CNTNAP2: variants seen among roughly 807,000 people sequenced by gnomAD.
CNTNAP2 encodes contactin associated protein 2, also known as contactin-associated protein-like 2.
In CNTNAP2, 98 loss-of-function variants were observed where a neutral mutation model predicts 155.2. The observed-to-expected ratio is 0.63, with a 90% CI of 0.54 to 0.75. CNTNAP2 has a LOEUF of 0.75. CNTNAP2 is among the 30% of genes least tolerant of loss of function. The pLI, the probability that CNTNAP2 is intolerant of heterozygous loss-of-function variation, is 0.00. For missense variants in CNTNAP2, 1,727 were observed against 1,688.1 expected, an observed-to-expected ratio of 1.02 and a Z score of -0.40; for synonymous variants, 651 against 631.2, an observed-to-expected ratio of 1.03 and a Z score of -0.47.
intron 1 of CNTNAP2, among the ~76,000 whole-genome samples, chr7:146,316,198 T>G (rs1051560003): frequency 6.6e-6 from 1 of 152,192 alleles, no homozygotes; most frequent in Non-Finnish European, 1.5e-5. Flanking sequence ...CAGCTTTTTT[T>G]TTGTTCCTAT....
intron 10 of CNTNAP2, among the ~76,000 whole-genome samples, chr7:147,433,161 C>T (rs886535329): frequency 4.2e-4 from 64 of 152,158 alleles, no homozygotes; most frequent in African/African-American, 1.4e-3. Context: ...TCCCCTGTGT[C>T]GTGACGCCTC....
intron 3 of CNTNAP2, among the ~76,000 whole-genome samples, chr7:147,014,699 G>A (rs893090807): frequency 6.6e-6 from 1 of 152,066 alleles, no homozygotes; most frequent in Non-Finnish European, 1.5e-5. Flanking sequence ...GCAACATTAA[G>A]CTCCCCTGCC....
At chr7:146,667,487 G>A (rs1281056188) in intron 1 of CNTNAP2, among the ~76,000 whole-genome samples, 1 of 147,328 alleles carries the variant, frequency 6.8e-6, no homozygotes, top group Non-Finnish European at 1.5e-5. Flanking sequence ...CAAATTTTAG[G>A]ATTTTTTTTC....
chr7:148,144,438 C>T (rs1184984404), intron 16 of CNTNAP2, among the ~76,000 whole-genome samples: 1 of 152,202 alleles, frequency 6.6e-6, no homozygotes, highest in African/African-American at 2.4e-5. Flanking sequence ...GCAATGTGAA[C>T]GGGAAGCTCA....
At chr7:146,598,431 G>A (rs1051539764) in intron 1 of CNTNAP2, among the ~76,000 whole-genome samples, 8 of 152,108 alleles carry the variant, frequency 5.3e-5, no homozygotes, top group African/African-American at 1.9e-4. Context: ...CTCACTGTCT[G>A]TACTGTTTCC....
chr7:147,870,041 G>T (rs1799301741), intron 13 of CNTNAP2, among the ~76,000 whole-genome samples: 1 of 152,152 alleles, frequency 6.6e-6, no homozygotes, highest in Non-Finnish European at 1.5e-5. Flanking sequence ...ACAGGTGAAT[G>T]ACTAAGGCAA....
At chr7:147,776,265 G>GTTTT (rs374384682) in intron 13 of CNTNAP2, among the ~76,000 whole-genome samples, 1 of 135,350 alleles carries the variant, frequency 7.4e-6, no homozygotes, top group Non-Finnish European at 1.6e-5. Flanking sequence ...CAATGGCTGG[G>GTTTT]TTTTTTTTTT....
intron 3 of CNTNAP2, among the ~76,000 whole-genome samples, chr7:146,844,199 A>G (rs948196141): frequency 1.3e-5 from 2 of 152,138 alleles, no homozygotes; most frequent in African/African-American, 4.8e-5. Context: ...AGAGTCATGA[A>G]TCTTGCATTA....
intron 13 of CNTNAP2, among the ~76,000 whole-genome samples, chr7:147,784,935 C>A (rs1297601827): frequency 6.6e-6 from 1 of 151,840 alleles, no homozygotes; most frequent in African/African-American, 2.4e-5. Flanking sequence ...GGGGAAACAC[C>A]AGGGACGATT....
At chr7:148,192,562 C>T (rs536233210) in intron 18 of CNTNAP2, among the ~76,000 whole-genome samples, 137 of 151,608 alleles carry the variant, frequency 9.0e-4, no homozygotes, top group Middle Eastern at 3.4e-3. Flanking sequence ...AAAAACTCTC[C>T]ATGCAGTGAG....
chr7:148,341,685 C>T (rs1798238754), intron 21 of CNTNAP2, among the ~76,000 whole-genome samples: 1 of 152,156 alleles, frequency 6.6e-6, no homozygotes, highest in Admixed American at 6.5e-5. Flanking sequence ...TTCTAACTTT[C>T]ACATTCCCGG....
chr7:146,265,443 T>C (rs1295191425), intron 1 of CNTNAP2, among the ~76,000 whole-genome samples: 1 of 144,998 alleles, frequency 6.9e-6, no homozygotes, highest in African/African-American at 2.9e-5. Flanking sequence ...GATTTTCTTT[T>C]TTTTTCTTTC....
intron 15 of CNTNAP2, among the ~76,000 whole-genome samples, chr7:148,078,576 G>T (rs1370605451): frequency 6.6e-6 from 1 of 152,022 alleles, no homozygotes. Context: ...CACCTCCCAG[G>T]TTCAAACGAT....
chr7:147,554,453 G>T (rs1476451549), intron 11 of CNTNAP2, among the ~76,000 whole-genome samples: 1 of 152,084 alleles, frequency 6.6e-6, no homozygotes, highest in Non-Finnish European at 1.5e-5. Context: ...GAAAAAATGG[G>T]CTGGGTATGG....
chr7:148,338,388 A>G (rs1215894486), intron 21 of CNTNAP2, among the ~76,000 whole-genome samples: 1 of 152,190 alleles, frequency 6.6e-6, no homozygotes, highest in Non-Finnish European at 1.5e-5. Context: ...GTTGTCCTTC[A>G]TTTGGAAAAG....
In CNTNAP2 at chr7:147,492,070, A is replaced by G. The variant is rs548386007; in HGVS notation, c.1777+6029A>G. Among the ~76,000 whole-genome samples the G allele has an allele frequency of 2.8e-4, 42 of 152,302 alleles. 1 individual carries two copies. The highest frequency in any genetic ancestry group is 8.4e-4 in the African/African-American group (35 of 41,560). On this transcript the variant is annotated intron_variant, in intron 11 of 23. Transcript: ENST00000361727. ...TAATATCTTAGATCAGCACTCTCCA[A>G]CGTTTTTGGCACCAGGGGCCAGGTT...
intron 14 of CNTNAP2, among the ~76,000 whole-genome samples, chr7:147,909,870 G>T (rs959615372): frequency 5.9e-5 from 9 of 152,268 alleles, no homozygotes; most frequent in African/African-American, 1.9e-4. Context: ...TAAGTGAAGT[G>T]AAAAGCCGTT....
At chr7:147,622,954 A>G (rs993165149) in intron 12 of CNTNAP2, among the ~76,000 whole-genome samples, 15 of 152,112 alleles carry the variant, frequency 9.9e-5, no homozygotes, top group Non-Finnish European at 1.8e-4. Context: ...TACCACAGAA[A>G]TTAAAAGGAT....
intron 13 of CNTNAP2, among the ~76,000 whole-genome samples, chr7:147,839,543 G>C (rs905616782): frequency 6.6e-6 from 1 of 152,066 alleles, no homozygotes; most frequent in African/African-American, 2.4e-5. Context: ...GTTGTTTTAG[G>C]TCAGGGTTTC....
Sources: allele counts gnomAD v4.1 joint callset (sites outside exome capture counted in the v4.1 genomes callset), GRCh38; gene constraint gnomAD v4.1.1; transcripts MANE v1.5; gene names NCBI Gene and HGNC (gene_info 2026-07-23, HGNC 2026-07-21).